The following TENT4B variants were observed in gnomAD, a reference collection of about 807,000 sequenced individuals.
TENT4B encodes terminal nucleotidyltransferase 4B, also known as PAP associated domain containing 5.
TENT4B carries 10 observed loss-of-function variants against 75.0 expected under a neutral mutation model. That is an observed-to-expected ratio of 0.13 (90% confidence interval 0.08 to 0.23). TENT4B has a LOEUF of 0.23. Ranked by LOEUF, TENT4B falls within the 10% of genes least tolerant of loss-of-function variation. The pLI is 1.00. For synonymous variants in TENT4B, 350 were observed against 357.7 expected, an observed-to-expected ratio of 0.98 and a Z score of 0.24; for missense variants, 579 against 893.8, an observed-to-expected ratio of 0.65 and a Z score of 4.49.
chr16:50,219,133 G>GA (rs920740922), intron 5 of TENT4B, among the ~76,000 whole-genome samples: 3 of 151,832 alleles, frequency 2.0e-5, no homozygotes, highest in African/African-American at 7.3e-5. Flanking sequence ...TCTTTTTCTG[G>GA]AAAAAACTTT....
intron 6 of TENT4B, among the ~76,000 whole-genome samples, chr16:50,222,835 A>T (rs1050868912): frequency 2.0e-5 from 3 of 152,236 alleles, no homozygotes; most frequent in Non-Finnish European, 4.4e-5. Context: ...TTAGTATTGT[A>T]AGTGGGTATG....
rs1567468721 is a variant in TENT4B at position 50,153,492 on chromosome 16, AGCAGCAGCAGCAGCAGCG to A, written c.-121_-104del. The A allele has an allele frequency of 8.2e-6, 8 of 969,776 alleles. No homozygotes were observed. Among genetic ancestry groups the A allele is most frequent in the East Asian group, 1.2e-4 (1 of 8,488 alleles). The allele number at this position is 969,776 out of a possible 1,614,324, so 60.1% of individuals were successfully genotyped here. A position where few individuals can be genotyped will look rare whatever the true frequency, so the allele number is the denominator to read the frequency against. On this transcript the variant is annotated 5_prime_UTR_variant, in exon 1 of 12. Coordinates refer to ENST00000561678, the MANE Select transcript of TENT4B (RefSeq NM_001365324.3). The stretch of plus-strand genomic sequence containing the variant: ...GCGCCGCCCGCGGCGGGCCCCGAGC[AGCAGCAGCAGCAGCAGCG>A]GCAGCAGCGGCAGCAGCAGCAGCAG...
intron 1 of TENT4B, among the ~76,000 whole-genome samples, chr16:50,193,991 T>C (rs143810352): frequency 3.9e-5 from 6 of 152,296 alleles, no homozygotes; most frequent in African/African-American, 1.4e-4. Flanking sequence ...AGACTGAGAA[T>C]GAGGACTGTT....
In TENT4B at chr16:50,232,351, G is replaced by A. The variant is rs1199671852; in HGVS notation, c.*3023G>A. 1.0e-6 allele frequency: 1 copy of A among 985,156 alleles called. No individual in the cohort carries two copies. The highest frequency in any genetic ancestry group is 1.2e-6 in the Non-Finnish European group (1 of 829,904). The allele number at this position is 985,156 out of a possible 1,614,324, so 61.0% of individuals were successfully genotyped here. ...GTTGATTCTGTTTTATTTTTATCCT[G>A]TTTTGAGTGTACTTTACCTTTACTT... On this transcript the variant is annotated 3_prime_UTR_variant, in exon 12 of 12. Transcript: ENST00000561678.
At chr16:50,162,871 A>G (rs946036546) in intron 1 of TENT4B, among the ~76,000 whole-genome samples, 4 of 152,160 alleles carry the variant, frequency 2.6e-5, no homozygotes, top group African/African-American at 9.7e-5. Context: ...AGGATATTTT[A>G]TAGTCTGTTG....
At chr16:50,178,525 TA>T (rs994151251) in intron 1 of TENT4B, among the ~76,000 whole-genome samples, 7 of 149,602 alleles carry the variant, frequency 4.7e-5, no homozygotes, top group East Asian at 1.9e-4. Context: ...TACTGATGGT[TA>T]AAAAAAAAAT....
At chr16:50,226,319 G>C (rs972666121) in intron 10 of TENT4B, among the ~76,000 whole-genome samples, 1 of 152,062 alleles carries the variant, frequency 6.6e-6, no homozygotes, top group Non-Finnish European at 1.5e-5. Context: ...ACCATAGTTA[G>C]TTTTGCCTGT....
Position 50,232,464 on chromosome 16 carries a change from T to C in TENT4B, c.*3136T>C. On this transcript the variant is annotated 3_prime_UTR_variant, in exon 12 of 12. Transcript: ENST00000561678. ...ACAGGGCAAAACATGGGCTATAGGG[T>C]GAGCATTTTTAATTGTCTTTTTCTG... 3.0e-6 allele frequency: 3 copies of C among 985,294 alleles called. No homozygotes were observed. In the South Asian group the frequency reaches 1.4e-4, roughly 46 times the overall value. The allele number at this position is 985,294 out of a possible 1,614,324, so 61.0% of individuals were successfully genotyped here. A position where few individuals can be genotyped will look rare whatever the true frequency, so the allele number is the denominator to read the frequency against.
chr16:50,233,262 A>T lies in TENT4B; in HGVS notation c.*3934A>T. On this transcript the variant is annotated 3_prime_UTR_variant, in exon 12 of 12. Transcript: ENST00000561678. ...TATATGAAATTCCTTAAAAGAGTTC[A>T]TCTTGCCTTGGTTTCTGACCCTCAA... 1.0e-6 allele frequency: 1 copy of T among 985,448 alleles called. No homozygotes were observed. The highest frequency in any genetic ancestry group is 5.2e-4 in the Middle Eastern group (1 of 1,914). The allele number at this position is 985,448 out of a possible 1,614,324, so 61.0% of individuals were successfully genotyped here. A position where few individuals can be genotyped will look rare whatever the true frequency, so the allele number is the denominator to read the frequency against.
At chr16:50,174,282 G>A (rs1434606598) in intron 1 of TENT4B, among the ~76,000 whole-genome samples, 1 of 151,966 alleles carries the variant, frequency 6.6e-6, no homozygotes, top group Non-Finnish European at 1.5e-5. Flanking sequence ...ATTTATAGTA[G>A]GGACAGGGTT....
chr16:50,175,757 A>C (rs2038295633), intron 1 of TENT4B, among the ~76,000 whole-genome samples: 1 of 152,084 alleles, frequency 6.6e-6, no homozygotes, highest in Non-Finnish European at 1.5e-5. Flanking sequence ...GGCATGAGCC[A>C]CCACGTCCGG....
Position 50,153,976 on chromosome 16 carries a change from G to A in TENT4B, c.355G>A (p.Gly119Arg), listed in dbSNP as rs1166580310. 2.0e-6 allele frequency: 3 copies of A among 1,533,906 alleles called. No homozygotes were observed. The highest frequency in any genetic ancestry group is 4.9e-5 in the East Asian group (2 of 40,728). ...TNNNNNHHQP[G>R]AWARRAGSSA... The stretch of plus-strand genomic sequence containing the variant: ...CAACAACAACAACCACCACCAGCCC[G>A]GGGCCTGGGCCCGCCGGGCGGGCTC... The change falls in exon 1 of 12, where the codon GGG (glycine) becomes AGG (arginine). Residue 119 changes from glycine (G) to arginine (R), a missense_variant. Transcript: ENST00000561678.
chr16:50,202,589 C>G (rs2030717230), intron 1 of TENT4B, among the ~76,000 whole-genome samples: 1 of 152,094 alleles, frequency 6.6e-6, no homozygotes, highest in South Asian at 2.1e-4. Flanking sequence ...GATCCTTGAT[C>G]TTAGGGAATA....
At position 50,196,935 on chromosome 16, in the gene TENT4B, C is replaced by CA. The variant is rs35266966; in HGVS notation, c.639-14375dup. ...TGGGTAACAGAACGAAACCCTGTCT[C>CA]AAAAAAAAAAAAATAGTACAACTTT... On this transcript the variant is annotated intron_variant, in intron 1 of 11. Coordinates refer to ENST00000561678, the MANE Select transcript of TENT4B (RefSeq NM_001365324.3). Among the ~76,000 whole-genome samples the CA allele has an allele frequency of 7.8e-3, 1,077 of 138,182 alleles. 11 individuals are homozygous for CA. The highest frequency in any genetic ancestry group is 0.022 in the African/African-American group (833 of 37,852). The allele number at this position is 138,182 out of a possible 152,430, so 90.7% of individuals were successfully genotyped here.
chr16:50,152,933 CG>C (rs1158140159), upstream of TENT4B: 3 of 1,496,706 alleles, frequency 2.0e-6, no homozygotes, highest in South Asian at 1.2e-5. Context: ...GCGCTCCCTG[CG>C]GGGCGGGCGG....
Position 50,223,368 on chromosome 16 carries a change from C to T in TENT4B, c.1362C>T (p.Ile454=), listed in dbSNP as rs758002359. ...LDGYRPSMLY[I]EDPLQPGNDV... is the part of the protein sequence containing the mutation. ...GCTACAGGCCATCAATGCTTTATAT[C>T]GAAGATCCTTTACAACCAGGTATTG... is the stretch of plus-strand genomic sequence containing the variant. Residue 454 remains isoleucine, a synonymous_variant, in exon 7 of 12, where the codon ATC becomes ATT. Coordinates refer to ENST00000561678, the MANE Select transcript of TENT4B (RefSeq NM_001365324.3). 34 of 1,608,446 alleles carry T rather than the reference C, an allele frequency of 2.1e-5. No individual in the cohort carries two copies. Among genetic ancestry groups the T allele is most frequent in the Non-Finnish European group, 2.8e-5 (33 of 1,177,110 alleles).
Position 50,230,090 on chromosome 16 carries a change from A to G in TENT4B, c.*762A>G. On this transcript the variant is annotated 3_prime_UTR_variant, in exon 12 of 12. Transcript: ENST00000561678. Reference sequence around the variant, plus strand: ...TTTTTCCTCTCTAAAGAAAAGGTTTATGGTGGCAAATGATGTTTATTTTAT... The same window carrying G: ...TTTTTCCTCTCTAAAGAAAAGGTTTGTGGTGGCAAATGATGTTTATTTTAT... The G allele has an allele frequency of 1.0e-6, 1 of 984,646 alleles. No homozygotes were observed. The highest frequency in any genetic ancestry group is 1.7e-5 in the African/African-American group (1 of 57,274). The allele number at this position is 984,646 out of a possible 1,614,324, so 61.0% of individuals were successfully genotyped here. A position where few individuals can be genotyped will look rare whatever the true frequency, so the allele number is the denominator to read the frequency against.
intron 1 of TENT4B, among the ~76,000 whole-genome samples, chr16:50,171,382 CAG>C (rs1452438414): frequency 1.3e-5 from 2 of 152,080 alleles, no homozygotes; most frequent in Non-Finnish European, 2.9e-5. Flanking sequence ...GCCTGGGCAA[CAG>C]AGTGAGAAGT....
In TENT4B at chr16:50,174,843, A is replaced by C. The variant is rs983378987; in HGVS notation, c.638+20584A>C. ...ACTGCAGCTTCCGCCTCCCAGGTTT[A>C]AGCAATTCTCTGCCTCAGCCTCCCG... On this transcript the variant is annotated intron_variant, in intron 1 of 11. Coordinates refer to ENST00000561678, the MANE Select transcript of TENT4B (RefSeq NM_001365324.3). Among the ~76,000 whole-genome samples the C allele has an allele frequency of 2.0e-5, 3 of 150,150 alleles. No homozygotes were observed. The Admixed American group carries it at 2.0e-4, about 10-fold the overall frequency.
Sources: gnomAD v4.1 joint callset for allele counts (sites outside exome capture counted in the v4.1 genomes callset) on GRCh38, gnomAD v4.1.1 for gene constraint, MANE v1.5 for transcripts, NCBI Gene and HGNC (gene_info 2026-07-23, HGNC 2026-07-21) for gene names.